The following CLASP1 variants were observed in gnomAD, a reference collection of about 807,000 sequenced individuals.
CLASP1 encodes CLIP-associating protein 1.
Under a neutral mutation model 192.3 loss-of-function variants are expected in CLASP1, and 38 were observed. The ratio of observed to expected loss-of-function variants is 0.20; its 90% CI spans 0.15 to 0.26. CLASP1 has a LOEUF of 0.26. Among genes scored for constraint, CLASP1 ranks in the 10% least tolerant of loss-of-function variants. The pLI, the probability that CLASP1 is intolerant of heterozygous loss-of-function variation, is 1.00. For missense variants in CLASP1, 1,433 were observed against 1,932.5 expected, an observed-to-expected ratio of 0.74 and a Z score of 4.85; for synonymous variants, 691 against 712.8, an observed-to-expected ratio of 0.97 and a Z score of 0.49.
At chr2:121,564,344 G>A (rs961706330) in intron 2 of CLASP1, among the ~76,000 whole-genome samples, 1 of 152,082 alleles carries the variant, frequency 6.6e-6, no homozygotes, top group African/African-American at 2.4e-5. Context: ...AACCTCTCTG[G>A]CCCAGCACTG....
chr2:121,472,618 AG>A (rs2090952001), intron 8 of CLASP1, among the ~76,000 whole-genome samples: 1 of 152,234 alleles, frequency 6.6e-6, no homozygotes, highest in Non-Finnish European at 1.5e-5. Context: ...AGAGAAGTTG[AG>A]GGTGCTAGAA....
chr2:121,404,464 T>C lies in CLASP1; in HGVS notation c.2670-30A>G, dbSNP rs2076613543. The C allele has an allele frequency of 3.8e-6, 6 of 1,566,054 alleles. No homozygotes were observed. The African/African-American group carries it at 8.1e-5, about 21-fold the overall frequency. ...AAGAAATAAAACAGAAATCAATGAA[T>C]TTACTACTTTTATTATTTTTGAGAC... is the stretch of plus-strand genomic sequence containing the variant. On this transcript the variant is annotated intron_variant, in intron 25 of 39. Transcript: ENST00000263710.
At chr2:121,365,398 C>T in intron 35 of CLASP1, 114 bp from the exon 37 acceptor site, 1 of 994,768 alleles carries the variant, frequency 1.0e-6, no homozygotes, top group African/African-American at 1.6e-5. Flanking sequence ...GAGGCGATGC[C>T]TCCTTCACGG....
chr2:121,478,811 CCCCACACACA>C (rs2092132693), intron 8 of CLASP1, among the ~76,000 whole-genome samples: 2 of 42,994 alleles, frequency 4.7e-5, no homozygotes, highest in Non-Finnish European at 9.9e-5. Context: ...CACACACACA[CCCCACACACA>C]ACCACACACC....
At chr2:121,404,236 A>T in intron 26 of CLASP1, 135 bp downstream of exon 27, 2 of 1,424,126 alleles carry the variant, frequency 1.4e-6, no homozygotes, top group African/African-American at 2.9e-5. Flanking sequence ...AACATACACT[A>T]GTGCTGAAAC....
At chr2:121,571,136 C>T (rs761183075) in intron 2 of CLASP1, among the ~76,000 whole-genome samples, 9 of 151,732 alleles carry the variant, frequency 5.9e-5, no homozygotes, top group Non-Finnish European at 1.2e-4. Context: ...GCAGGAGACA[C>T]TTATTATGCA....
chr2:121,564,273 A>G (rs991300951), intron 2 of CLASP1, among the ~76,000 whole-genome samples: 2 of 152,232 alleles, frequency 1.3e-5, no homozygotes, highest in African/African-American at 2.4e-5. Context: ...CCATTCTTCT[A>G]TAAATGTTCC....
At chr2:121,530,096 G>A (rs911682267) in intron 3 of CLASP1, 151 bp downstream of exon 3, 52 of 646,510 alleles carry the variant, frequency 8.0e-5, no homozygotes, top group Admixed American at 6.9e-4. Context: ...GGGGGAGGGC[G>A]GGGACTGGCT....
intron 33 of CLASP1, 74 bp downstream of exon 34, chr2:121,382,134 C>T (rs2071826867): frequency 1.6e-6 from 2 of 1,246,286 alleles, no homozygotes; most frequent in Non-Finnish European, 2.3e-6. Flanking sequence ...GAGGCTTTCC[C>T]AAAGACCTGA....
chr2:121,601,992 T>C (rs1019365128), intron 2 of CLASP1, among the ~76,000 whole-genome samples: 1 of 151,990 alleles, frequency 6.6e-6, no homozygotes, highest in African/African-American at 2.4e-5. Context: ...CTGGCCAATG[T>C]AGTAAATCCC....
intron 2 of CLASP1, among the ~76,000 whole-genome samples, chr2:121,535,323 T>C (rs542677817): frequency 2.0e-5 from 3 of 152,300 alleles, no homozygotes; most frequent in South Asian, 4.1e-4. Context: ...AGTCTTATTA[T>C]GTCTAAGAAG....
intron 8 of CLASP1, among the ~76,000 whole-genome samples, chr2:121,478,518 C>G (rs1392826580): frequency 6.6e-6 from 1 of 151,738 alleles, no homozygotes; most frequent in African/African-American, 2.4e-5. Flanking sequence ...GGAGGATCGC[C>G]TGAAGCCAGG....
At chr2:121,401,257 C>T (rs755521536) in intron 28 of CLASP1, among the ~76,000 whole-genome samples, 17 of 151,970 alleles carry the variant, frequency 1.1e-4, no homozygotes, top group African/African-American at 3.1e-4. Context: ...AATCAATTTC[C>T]AAAGTTTTAC....
At chr2:121,390,925 C>CCT in intron 30 of CLASP1, among the ~76,000 whole-genome samples, 1 of 152,216 alleles carries the variant, frequency 6.6e-6, no homozygotes, top group Admixed American at 6.5e-5. Context: ...CTCATGTAAT[C>CCT]CTCCTGCCTC....
chr2:121,380,568 T>C (rs1292984034), intron 33 of CLASP1, among the ~76,000 whole-genome samples: 1 of 152,140 alleles, frequency 6.6e-6, no homozygotes, highest in Non-Finnish European at 1.5e-5. Flanking sequence ...GAGGAGAACA[T>C]GGGGTCAGGT....
At chr2:121,531,172 A>T (rs926412427) in intron 2 of CLASP1, among the ~76,000 whole-genome samples, 1 of 152,138 alleles carries the variant, frequency 6.6e-6, no homozygotes, top group Non-Finnish European at 1.5e-5. Flanking sequence ...GGATTTCAAC[A>T]GAACTTCACC....
intron 34 of CLASP1, among the ~76,000 whole-genome samples, chr2:121,373,112 G>A (rs1479020956): frequency 1.3e-5 from 2 of 152,196 alleles, no homozygotes. Flanking sequence ...TGAGGAACCT[G>A]GTGGGAGGTA....
chr2:121,460,967 T>C (rs2087813504), intron 11 of CLASP1, 134 bp downstream of exon 11: 1 of 629,378 alleles, frequency 1.6e-6, no homozygotes, highest in South Asian at 2.0e-5. Context: ...AAAGGTGAAG[T>C]ATAAATATGA....
At chr2:121,399,856 C>T (rs1002392416) in intron 28 of CLASP1, among the ~76,000 whole-genome samples, 5 of 152,208 alleles carry the variant, frequency 3.3e-5, no homozygotes, top group Non-Finnish European at 7.3e-5. Context: ...GACCTACAGG[C>T]CAAGTCTGGC....
Sources: allele counts gnomAD v4.1 joint callset (sites outside exome capture counted in the v4.1 genomes callset), GRCh38; gene constraint gnomAD v4.1.1; transcripts MANE v1.5; gene names NCBI Gene and HGNC (gene_info 2026-07-23, HGNC 2026-07-21).